The following NKAIN2 variants were observed in gnomAD, a reference collection of about 807,000 sequenced individuals.
NKAIN2 encodes the protein sodium/potassium transporting ATPase interacting 2, also known as sodium/potassium-transporting ATPase subunit beta-1-interacting protein 2.
NKAIN2 carries 14 observed loss-of-function variants against 32.6 expected under a neutral mutation model. The ratio of observed to expected loss-of-function variants is 0.43; its 90% CI spans 0.28 to 0.67. NKAIN2 has a LOEUF of 0.67. NKAIN2 is among the 30% of genes least tolerant of loss of function. NKAIN2 has a pLI of 0.17. For missense variants in NKAIN2, 198 were observed against 258.3 expected, an observed-to-expected ratio of 0.77 and a Z score of 1.60; for synonymous variants, 80 against 87.2, an observed-to-expected ratio of 0.92 and a Z score of 0.46.
intron 2 of NKAIN2, among the ~76,000 whole-genome samples, chr6:124,353,999 C>A (rs1798853621): frequency 1.3e-5 from 2 of 152,136 alleles, no homozygotes; most frequent in Admixed American, 1.3e-4. Context: ...GACATGATAT[C>A]CTCTTGTTTC....
chr6:123,817,991 G>A (rs1773766173), intron 1 of NKAIN2, among the ~76,000 whole-genome samples: 1 of 152,226 alleles, frequency 6.6e-6, no homozygotes, highest in Non-Finnish European at 1.5e-5. Flanking sequence ...TTTGAGCCAG[G>A]TGGATTTTAT....
chr6:123,868,571 G>T (rs1772702177), intron 1 of NKAIN2, among the ~76,000 whole-genome samples: 1 of 152,126 alleles, frequency 6.6e-6, no homozygotes, highest in East Asian at 1.9e-4. Flanking sequence ...TAGAGAGTGT[G>T]CTAGTAATAT....
intron 1 of NKAIN2, among the ~76,000 whole-genome samples, chr6:124,231,818 T>A (rs1792477198): frequency 6.6e-6 from 1 of 151,506 alleles, no homozygotes; most frequent in South Asian, 2.1e-4. Flanking sequence ...GGACTAATAT[T>A]TATGTACATT....
At chr6:124,261,710 A>G (rs189464623) in intron 1 of NKAIN2, among the ~76,000 whole-genome samples, 7 of 152,166 alleles carry the variant, frequency 4.6e-5, no homozygotes, top group Admixed American at 4.6e-4. Context: ...AAGTCCAAAA[A>G]TTAGCAGGGC....
At position 124,292,063 on chromosome 6, in the gene NKAIN2, A is replaced by G. The variant is rs566464807; in HGVS notation, c.192+8921A>G. 8.5e-5 allele frequency among the ~76,000 whole-genome samples: 13 copies of G among 152,182 alleles called. No homozygotes were observed. The South Asian group carries it at 2.5e-3, about 29-fold the overall frequency. Reference sequence around the variant, plus strand: ...TGCTATGCTATCCCCAGGTAATTTCATTTAACAGTTATTTTATATTATAGT... The same window carrying G: ...TGCTATGCTATCCCCAGGTAATTTCGTTTAACAGTTATTTTATATTATAGT... On this transcript the variant is annotated intron_variant, in intron 2 of 6. Transcript: ENST00000368417.
chr6:123,876,012 T>G (rs574379105), intron 1 of NKAIN2, among the ~76,000 whole-genome samples: 2 of 152,250 alleles, frequency 1.3e-5, no homozygotes, highest in Non-Finnish European at 2.9e-5. Context: ...CACATTGTTA[T>G]AATTGTTTCA....
intron 3 of NKAIN2, among the ~76,000 whole-genome samples, chr6:124,536,781 A>G (rs979142406): frequency 6.6e-6 from 1 of 152,016 alleles, no homozygotes; most frequent in African/African-American, 2.4e-5. Context: ...TCTCTCTTTG[A>G]CTCTAAGAAA....
intron 3 of NKAIN2, among the ~76,000 whole-genome samples, chr6:124,619,931 T>G (rs1783045701): frequency 6.6e-6 from 1 of 152,176 alleles, no homozygotes; most frequent in South Asian, 2.1e-4. Context: ...TTAATATCTT[T>G]GTGCCATGGG....
chr6:124,188,625 G>A (rs9491079), intron 1 of NKAIN2, among the ~76,000 whole-genome samples: 18,210 of 152,140 alleles, frequency 0.12, 2,569 homozygotes, highest in African/African-American at 0.34. Context: ...TTCTTTCTGT[G>A]TTGGTACTTG....
intron 1 of NKAIN2, among the ~76,000 whole-genome samples, chr6:124,028,146 T>G (rs1781204098): frequency 6.6e-6 from 1 of 152,162 alleles, no homozygotes; most frequent in South Asian, 2.1e-4. Context: ...ATACATAATT[T>G]AGAATGTTCT....
At chr6:124,458,057 TAA>T (rs1016574066) in intron 3 of NKAIN2, among the ~76,000 whole-genome samples, 3 of 151,996 alleles carry the variant, frequency 2.0e-5, no homozygotes, top group Non-Finnish European at 2.9e-5. Flanking sequence ...AACTGAAACA[TAA>T]GTTGTTTCAC....
At chr6:124,038,906 C>A (rs2114804521) in intron 1 of NKAIN2, among the ~76,000 whole-genome samples, 1 of 152,194 alleles carries the variant, frequency 6.6e-6, no homozygotes, top group East Asian at 1.9e-4. Flanking sequence ...GTTTAACCAG[C>A]AGTGTCTTCT....
intron 1 of NKAIN2, among the ~76,000 whole-genome samples, chr6:124,152,533 A>G (rs1225391454): frequency 6.6e-6 from 1 of 152,016 alleles, no homozygotes; most frequent in Non-Finnish European, 1.5e-5. Flanking sequence ...AGGATACAAA[A>G]TAAAGGGAAA....
At chr6:123,968,902 G>A (rs1778210929) in intron 1 of NKAIN2, among the ~76,000 whole-genome samples, 1 of 152,174 alleles carries the variant, frequency 6.6e-6, no homozygotes, top group South Asian at 2.1e-4. Context: ...AAAGTGTGGA[G>A]CACCTTGCTG....
At chr6:124,298,226 A>C (rs1562478385) in intron 2 of NKAIN2, among the ~76,000 whole-genome samples, 2 of 152,134 alleles carry the variant, frequency 1.3e-5, no homozygotes, top group African/African-American at 4.8e-5. Flanking sequence ...CTCTTTTAGC[A>C]GAACTTTTTT....
intron 3 of NKAIN2, among the ~76,000 whole-genome samples, chr6:124,464,536 A>G (rs1776664594): frequency 6.6e-6 from 1 of 151,960 alleles, no homozygotes; most frequent in South Asian, 2.1e-4. Flanking sequence ...TTTATTTCCA[A>G]ATTTGCTTAA....
Position 123,964,819 on chromosome 6 carries a change from G to A in NKAIN2, c.54+160565G>A, listed in dbSNP as rs982021941. On this transcript the variant is annotated intron_variant, in intron 1 of 6. Transcript: ENST00000368417. The surrounding 1 kb of genome is among the most constrained non-coding windows in gnomAD (Gnocchi z 4.0). ...GCATCCATTTCTTACCTCATGATTCGAGCTAAGCATGTTTCCTGGTTCCAT... is the reference window on the plus strand; with the variant it reads ...GCATCCATTTCTTACCTCATGATTCAAGCTAAGCATGTTTCCTGGTTCCAT... Among the ~76,000 whole-genome samples the A allele has an allele frequency of 1.3e-5, 2 of 151,858 alleles. No individual in the cohort carries two copies. The highest frequency in any genetic ancestry group is 4.8e-5 in the African/African-American group (2 of 41,340).
chr6:124,658,323 A>C lies in NKAIN2; in HGVS notation c.411A>C (p.Ser137=). 1 of 1,614,122 alleles carries C rather than the reference A, an allele frequency of 6.2e-7. No individual in the cohort carries two copies. Among genetic ancestry groups the C allele is most frequent in the Non-Finnish European group, 8.5e-7 (1 of 1,179,998 alleles). Residue 137 remains serine (S), a synonymous_variant, in exon 4 of 7, where the codon TCA becomes TCC. Transcript: ENST00000368417. ...AAGACCATCGCTACATCACGGTCTCAGGGTGTTTGCTGGAGTACCAGTACA... is the reference window on the plus strand; with the variant it reads ...AAGACCATCGCTACATCACGGTCTCCGGGTGTTTGCTGGAGTACCAGTACA... The part of the protein sequence containing the change: ...APEDHRYITV[S]GCLLEYQYIE...
At chr6:124,662,417 A>G (rs534257960) in intron 4 of NKAIN2, among the ~76,000 whole-genome samples, 3 of 152,320 alleles carry the variant, frequency 2.0e-5, no homozygotes, top group African/African-American at 4.8e-5. Context: ...AGGTTCTAAT[A>G]TCTGGTACCT....
Sources: allele counts gnomAD v4.1 joint callset (sites outside exome capture counted in the v4.1 genomes callset), GRCh38; gene constraint gnomAD v4.1.1; non-coding constraint Gnocchi (gnomAD v3.1); transcripts MANE v1.5; gene names NCBI Gene and HGNC (gene_info 2026-07-23, HGNC 2026-07-21).